INVS: variants seen among roughly 807,000 people sequenced by gnomAD.
INVS encodes the protein inversin.
INVS carries 86 observed loss-of-function variants against 108.8 expected under a neutral mutation model. The ratio of observed to expected loss-of-function variants is 0.79; its 90% CI spans 0.66 to 0.95. The LOEUF (loss-of-function observed/expected upper bound fraction) is 0.95, where lower values mean the gene tolerates loss of function less well. INVS is among the 40% of genes least tolerant of loss of function. The probability of loss-of-function intolerance (pLI) is 0.00; values close to 1 mark genes in which losing one functional copy is unlikely to be tolerated. For missense variants in INVS, 1,169 were observed against 1,297.4 expected (o/e 0.90, Z 1.52); for synonymous variants, 455 against 473.5 (o/e 0.96, Z 0.51).
chr9:100,162,469 T>C (rs1280306741), intron 3 of INVS, among the ~76,000 whole-genome samples: 1 of 152,218 alleles, frequency 6.6e-6, no homozygotes, highest in Non-Finnish European at 1.5e-5. Context: ...TCCTTGGAGT[T>C]AATTTCAAGG....
chr9:100,133,605 C>G (rs1210077912), intron 3 of INVS, among the ~76,000 whole-genome samples: 2 of 152,066 alleles, frequency 1.3e-5, no homozygotes, highest in East Asian at 3.9e-4. Context: ...CAATGAGATA[C>G]TACTACATGA....
At chr9:100,186,641 G>C (rs758819544) in intron 3 of INVS, among the ~76,000 whole-genome samples, 7 of 151,980 alleles carry the variant, frequency 4.6e-5, no homozygotes, top group Non-Finnish European at 8.8e-5. Context: ...ATTTTTTCCA[G>C]ATGTTGGCCA....
intron 3 of INVS, among the ~76,000 whole-genome samples, chr9:100,194,938 TG>T (rs1830328071): frequency 1.3e-5 from 2 of 152,120 alleles, no homozygotes; most frequent in Admixed American, 1.3e-4. Context: ...ACTGGGGTAG[TG>T]GTGAAACTTA....
In INVS at chr9:100,177,088, C is replaced by T. The variant is rs117097798; in HGVS notation, c.274-48974C>T. ...CTGTGCCATGAGCAACGGTGCATTCCGGTCCAGATACTACGCTTTTCCCAC... is the reference window on the plus strand; with the variant it reads ...CTGTGCCATGAGCAACGGTGCATTCTGGTCCAGATACTACGCTTTTCCCAC... On this transcript the variant is annotated intron_variant, in intron 3 of 16. Coordinates refer to ENST00000262457, the MANE Select transcript of INVS (RefSeq NM_014425.5). Among the ~76,000 whole-genome samples the T allele has an allele frequency of 2.6e-3, 403 of 152,176 alleles. 1 individual carries two copies. The highest frequency in any genetic ancestry group is 3.7e-3 in the Non-Finnish European group (254 of 68,002).
At chr9:100,186,588 TG>T (rs1379392797) in intron 3 of INVS, among the ~76,000 whole-genome samples, 6 of 152,214 alleles carry the variant, frequency 3.9e-5, no homozygotes, top group Admixed American at 3.9e-4. Context: ...ATTATCTCAT[TG>T]TGGTTTTAAT....
At chr9:100,181,469 C>T (rs1829885163) in intron 3 of INVS, among the ~76,000 whole-genome samples, 1 of 152,112 alleles carries the variant, frequency 6.6e-6, no homozygotes, top group Admixed American at 6.6e-5. Context: ...TTCCTATACA[C>T]CAATAATAGA....
At chr9:100,298,590 A>G (rs1833859016) in intron 16 of INVS, among the ~76,000 whole-genome samples, 1 of 152,122 alleles carries the variant, frequency 6.6e-6, no homozygotes, top group African/African-American at 2.4e-5. Flanking sequence ...AGTGTTTCTC[A>G]TAGGTGGCTA....
chr9:100,111,216 G>T (rs907993766), intron 2 of INVS, among the ~76,000 whole-genome samples: 3 of 152,190 alleles, frequency 2.0e-5, no homozygotes, highest in African/African-American at 7.2e-5. Flanking sequence ...AAGCAAATAA[G>T]ATACAAATAG....
intron 2 of INVS, among the ~76,000 whole-genome samples, chr9:100,117,855 C>CAAT (rs1424103503): frequency 3.3e-5 from 5 of 151,798 alleles, no homozygotes; most frequent in Non-Finnish European, 5.9e-5. Context: ...AGGGTTTAGC[C>CAAT]CTCGTGAATG....
At chr9:100,178,355 T>C (rs1325422475) in intron 3 of INVS, among the ~76,000 whole-genome samples, 1 of 152,100 alleles carries the variant, frequency 6.6e-6, no homozygotes, top group East Asian at 1.9e-4. Context: ...TAAAGGAGCA[T>C]GTTCTAACCC....
chr9:100,294,319 C>T (rs1353352229), intron 14 of INVS, among the ~76,000 whole-genome samples: 2 of 152,154 alleles, frequency 1.3e-5, no homozygotes, highest in Non-Finnish European at 2.9e-5. Context: ...CTCTCCTTAA[C>T]ATTGGCAGGG....
intron 12 of INVS, among the ~76,000 whole-genome samples, chr9:100,283,329 A>G (rs1407834841): frequency 6.6e-6 from 1 of 152,130 alleles, no homozygotes; most frequent in Non-Finnish European, 1.5e-5. Flanking sequence ...AATACAAAAT[A>G]TAACATTTCT....
chr9:100,280,792 C>T (rs1345745568), intron 12 of INVS, among the ~76,000 whole-genome samples: 5 of 152,138 alleles, frequency 3.3e-5, no homozygotes, highest in East Asian at 1.9e-4. Flanking sequence ...AACACTACGT[C>T]GAAAGCTAGT....
At chr9:100,159,218 A>G (rs1189190201) in intron 3 of INVS, among the ~76,000 whole-genome samples, 1 of 152,240 alleles carries the variant, frequency 6.6e-6, no homozygotes, top group Non-Finnish European at 1.5e-5. Context: ...ACAAAATGGT[A>G]TGGAAAGATA....
chr9:100,250,526 T>G (rs1238130176), intron 8 of INVS, among the ~76,000 whole-genome samples: 1 of 141,056 alleles, frequency 7.1e-6, no homozygotes, highest in East Asian at 1.9e-4. Flanking sequence ...AATTCAAGAA[T>G]GGCATAAGAA....
chr9:100,194,327 A>C (rs1163770777), intron 3 of INVS, among the ~76,000 whole-genome samples: 1 of 152,164 alleles, frequency 6.6e-6, no homozygotes, highest in African/African-American at 2.4e-5. Flanking sequence ...GCATTTCTCT[A>C]ATGACAAATG....
At chr9:100,246,809 C>A in intron 8 of INVS, 22 bp downstream of exon 8, 1 of 1,608,218 alleles carries the variant, frequency 6.2e-7, no homozygotes, top group South Asian at 1.1e-5. Context: ...TGGACACATT[C>A]AATTTGCTTT....
chr9:100,267,611 C>T (rs929325467), intron 11 of INVS, among the ~76,000 whole-genome samples: 2 of 152,228 alleles, frequency 1.3e-5, no homozygotes, highest in Non-Finnish European at 2.9e-5. Context: ...TTGCCAACTT[C>T]TGCTGACTTT....
intron 13 of INVS, among the ~76,000 whole-genome samples, chr9:100,289,320 G>A (rs1051593717): frequency 6.6e-6 from 1 of 152,214 alleles, no homozygotes; most frequent in Non-Finnish European, 1.5e-5. Flanking sequence ...TTCACCAGCA[G>A]TCTCTTCATT....
Sources: gnomAD v4.1 joint callset for allele counts (sites outside exome capture counted in the v4.1 genomes callset) on GRCh38, gnomAD v4.1.1 for gene constraint, MANE v1.5 for transcripts, NCBI Gene and HGNC (gene_info 2026-07-23, HGNC 2026-07-21) for gene names.